Variants in ARHGAP15 observed in about 807,000 individuals in gnomAD.
ARHGAP15 encodes the protein rho GTPase-activating protein 15.
A neutral mutation model predicts 63.7 loss-of-function variants in ARHGAP15; 51 were observed. The observed-to-expected ratio is 0.80, with a 90% CI of 0.64 to 1.01. ARHGAP15 has a LOEUF of 1.01. ARHGAP15 is among the 50% of genes least tolerant of loss of function. ARHGAP15 has a pLI of 0.00. For synonymous variants in ARHGAP15, 191 were observed against 193.8 expected (o/e 0.99, Z 0.12); for missense variants, 560 against 564.6 (o/e 0.99, Z 0.08).
chr2:143,300,516 A>T lies in ARHGAP15; in HGVS notation c.474+49916A>T, dbSNP rs573322796. Among the ~76,000 whole-genome samples, 20 of 152,148 alleles carry T rather than the reference A, an allele frequency of 1.3e-4. No homozygotes were observed. The East Asian group carries it at 3.9e-3, about 29-fold the overall frequency. On this transcript the variant is annotated intron_variant, in intron 6 of 13. Transcript: ENST00000295095. ...AATGTAGAATTGCTTAACTGAAACA[A>T]ACATTCAGACCTGGAACTCTACATT...
chr2:143,475,313 G>A (rs905323051), intron 8 of ARHGAP15, among the ~76,000 whole-genome samples: 9 of 152,202 alleles, frequency 5.9e-5, no homozygotes, highest in African/African-American at 1.7e-4. Context: ...TCACTTAGCC[G>A]TAGACGACAT....
At chr2:143,593,026 G>GAAGAAGAT (rs1418971327) in intron 11 of ARHGAP15, among the ~76,000 whole-genome samples, 1 of 152,206 alleles carries the variant, frequency 6.6e-6, no homozygotes, top group Admixed American at 6.5e-5. Context: ...AGGAGAGCCT[G>GAAGAAGAT]AAGAAGATGT....
intron 10 of ARHGAP15, among the ~76,000 whole-genome samples, chr2:143,532,898 T>C (rs1200784751): frequency 6.6e-6 from 1 of 152,198 alleles, no homozygotes; most frequent in Non-Finnish European, 1.5e-5. Context: ...ATTTCATACA[T>C]TTCTAATTAA....
At chr2:143,468,379 A>G (rs1691341350) in intron 8 of ARHGAP15, among the ~76,000 whole-genome samples, 1 of 152,118 alleles carries the variant, frequency 6.6e-6, no homozygotes, top group African/African-American at 2.4e-5. Flanking sequence ...AAAAGCTGAA[A>G]CTGAAAGCTT....
intron 13 of ARHGAP15, among the ~76,000 whole-genome samples, chr2:143,762,721 C>T (rs1686803816): frequency 6.6e-6 from 1 of 151,946 alleles, no homozygotes; most frequent in African/African-American, 2.4e-5. Context: ...TTCTGCAGGA[C>T]TTTTCAGAGC....
chr2:143,142,107 C>A (rs995202088), intron 1 of ARHGAP15, among the ~76,000 whole-genome samples: 1 of 151,884 alleles, frequency 6.6e-6, no homozygotes, highest in Admixed American at 6.6e-5. Flanking sequence ...AAAGTAACAA[C>A]CCTCATTTTT....
At chr2:143,762,105 A>C (rs1396491846) in intron 13 of ARHGAP15, among the ~76,000 whole-genome samples, 2 of 152,158 alleles carry the variant, frequency 1.3e-5, no homozygotes, top group African/African-American at 4.8e-5. Context: ...CTGTTAGTTA[A>C]GCATTCAGAG....
At chr2:143,729,055 G>GT (rs1230060360) in intron 13 of ARHGAP15, among the ~76,000 whole-genome samples, 1 of 152,180 alleles carries the variant, frequency 6.6e-6, no homozygotes, top group Non-Finnish European at 1.5e-5. Context: ...GAAGGTGGAC[G>GT]TTTTTGCATG....
intron 10 of ARHGAP15, among the ~76,000 whole-genome samples, chr2:143,524,181 A>C (rs1694169601): frequency 6.7e-6 from 1 of 150,116 alleles, no homozygotes; most frequent in Non-Finnish European, 1.5e-5. Flanking sequence ...CAAAAACTTT[A>C]TCTCTCAACT....
intron 1 of ARHGAP15, among the ~76,000 whole-genome samples, chr2:143,150,792 T>C (rs867302079): frequency 1.3e-5 from 2 of 152,058 alleles, no homozygotes; most frequent in Middle Eastern, 6.8e-3. Context: ...CAAAATTTAA[T>C]AGTAACAATA....
chr2:143,174,984 G>A (rs1368579260), intron 2 of ARHGAP15, among the ~76,000 whole-genome samples: 2 of 152,134 alleles, frequency 1.3e-5, no homozygotes, highest in African/African-American at 2.4e-5. Flanking sequence ...CAACACTACA[G>A]AGACTTTTTA....
intron 8 of ARHGAP15, among the ~76,000 whole-genome samples, chr2:143,441,878 C>A (rs2105107441): frequency 6.6e-6 from 1 of 152,036 alleles, no homozygotes; most frequent in South Asian, 2.1e-4. Flanking sequence ...TGTGGATTTC[C>A]CAAATCTACG....
rs1159160037 is a variant in ARHGAP15 at position 143,519,191 on chromosome 2, A to G, written c.827-75A>G. ...AGATGAAGATTTCAGCATGCAATGG[A>G]TATGGAAACGGAATCAAATTAAAGA... On this transcript the variant is annotated intron_variant, in intron 9 of 13. Coordinates refer to ENST00000295095, the MANE Select transcript of ARHGAP15 (RefSeq NM_018460.4). The G allele has an allele frequency of 7.1e-6, 8 of 1,130,754 alleles. No individual in the cohort carries two copies. In the East Asian group the frequency reaches 1.7e-4, roughly 24 times the overall value. The allele number at this position is 1,130,754 out of a possible 1,614,324, so 70.0% of individuals were successfully genotyped here. A position where few individuals can be genotyped will look rare whatever the true frequency, so the allele number is the denominator to read the frequency against.
chr2:143,186,812 C>A (rs1558801232), intron 2 of ARHGAP15, among the ~76,000 whole-genome samples: 2 of 152,170 alleles, frequency 1.3e-5, no homozygotes, highest in Non-Finnish European at 2.9e-5. Flanking sequence ...GTGGTTTATA[C>A]ACAATGGAGG....
At chr2:143,235,213 T>G (rs1209559905) in intron 5 of ARHGAP15, among the ~76,000 whole-genome samples, 2 of 151,134 alleles carry the variant, frequency 1.3e-5, no homozygotes, top group Non-Finnish European at 2.9e-5. Flanking sequence ...AAAAATAGGG[T>G]GAGATGAAAT....
chr2:143,387,285 T>C (rs1687326226), intron 6 of ARHGAP15, among the ~76,000 whole-genome samples: 1 of 152,206 alleles, frequency 6.6e-6, no homozygotes, highest in Non-Finnish European at 1.5e-5. Flanking sequence ...TGAATGAAAG[T>C]AATTTTTATC....
intron 13 of ARHGAP15, among the ~76,000 whole-genome samples, chr2:143,761,121 G>A (rs950095106): frequency 1.3e-5 from 2 of 151,308 alleles, no homozygotes; most frequent in Admixed American, 6.6e-5. Context: ...TGTGCAAATT[G>A]AGGGTAGGCA....
At chr2:143,385,958 G>T (rs970084726) in intron 6 of ARHGAP15, among the ~76,000 whole-genome samples, 4 of 152,028 alleles carry the variant, frequency 2.6e-5, no homozygotes, top group Admixed American at 6.6e-5. Flanking sequence ...CAGTGTTGAT[G>T]CTCTGAACTA....
intron 4 of ARHGAP15, among the ~76,000 whole-genome samples, chr2:143,217,579 G>A (rs541145893): frequency 6.6e-6 from 1 of 152,164 alleles, no homozygotes; most frequent in South Asian, 2.1e-4. Context: ...AAGAGATGTG[G>A]CTAGTCCCTT....
Sources: allele counts gnomAD v4.1 joint callset (sites outside exome capture counted in the v4.1 genomes callset), GRCh38; gene constraint gnomAD v4.1.1; transcripts MANE v1.5; gene names NCBI Gene and HGNC (gene_info 2026-07-23, HGNC 2026-07-21).